Variants in ADGRB3 observed in about 807,000 individuals in gnomAD.
ADGRB3 encodes brain-specific angiogenesis inhibitor 3.
In ADGRB3, 37 loss-of-function variants were observed where a neutral mutation model predicts 193.4. That is an observed-to-expected ratio of 0.19 (90% CI 0.15 to 0.25). The LOEUF (loss-of-function observed/expected upper bound fraction) is 0.25, where lower values mean the gene tolerates loss of function less well. Among genes scored for constraint, ADGRB3 ranks in the 10% least tolerant of loss-of-function variants. The probability of loss-of-function intolerance (pLI) is 1.00; values close to 1 mark genes in which losing one functional copy is unlikely to be tolerated. For missense variants in ADGRB3, 1,637 were observed against 1,852.9 expected (o/e 0.88, Z 2.14); for synonymous variants, 690 against 644.2 (o/e 1.07, Z -1.08).
intron 3 of ADGRB3, among the ~76,000 whole-genome samples, chr6:68,788,847 G>T (rs1221960522): frequency 6.6e-6 from 1 of 152,156 alleles, no homozygotes; most frequent in Non-Finnish European, 1.5e-5. Flanking sequence ...CCTGTATTGG[G>T]TGCATATACA....
At chr6:69,347,346 T>C (rs1769120685) in intron 26 of ADGRB3, among the ~76,000 whole-genome samples, 1 of 152,190 alleles carries the variant, frequency 6.6e-6, no homozygotes, top group Admixed American at 6.5e-5. Context: ...TCCCAAAACT[T>C]AAATTATAAT....
intron 13 of ADGRB3, among the ~76,000 whole-genome samples, chr6:69,025,501 G>A (rs904433773): frequency 1.3e-5 from 2 of 150,202 alleles, no homozygotes; most frequent in East Asian, 2.0e-4. Flanking sequence ...TTGACATCAC[G>A]CCTGAAAAAT....
intron 20 of ADGRB3, among the ~76,000 whole-genome samples, chr6:69,254,722 T>C: frequency 6.6e-6 from 1 of 151,928 alleles, no homozygotes; most frequent in Non-Finnish European, 1.5e-5. Flanking sequence ...TTTTTATTAT[T>C]ATAATTTAAG....
intron 17 of ADGRB3, among the ~76,000 whole-genome samples, chr6:69,130,829 G>T (rs1386722528): frequency 6.6e-6 from 1 of 151,774 alleles, no homozygotes; most frequent in Non-Finnish European, 1.5e-5. Context: ...TGCCCTCCTG[G>T]CATATGTAAA....
At chr6:68,855,132 C>G (rs113854273) in intron 3 of ADGRB3, among the ~76,000 whole-genome samples, 1 of 152,158 alleles carries the variant, frequency 6.6e-6, no homozygotes, top group African/African-American at 2.4e-5. Flanking sequence ...TACATTGTCC[C>G]TTTATGAAAA....
intron 3 of ADGRB3, among the ~76,000 whole-genome samples, chr6:68,655,902 A>T (rs545156588): frequency 6.6e-6 from 1 of 151,592 alleles, no homozygotes; most frequent in East Asian, 1.9e-4. Context: ...GTTCCTTTGG[A>T]CTAGTCCTTT....
At chr6:69,125,666 A>G (rs1582480305) in intron 17 of ADGRB3, among the ~76,000 whole-genome samples, 1 of 152,198 alleles carries the variant, frequency 6.6e-6, no homozygotes, top group Admixed American at 6.5e-5. Context: ...CTCACACTAT[A>G]GTATTTTATT....
At chr6:68,927,757 G>GA (rs985372880) in intron 3 of ADGRB3, among the ~76,000 whole-genome samples, 2 of 151,726 alleles carry the variant, frequency 1.3e-5, no homozygotes, top group Non-Finnish European at 2.9e-5. Context: ...TTTCCCATCT[G>GA]AAAAAAAAGA....
chr6:69,277,638 A>G (rs916618952), intron 20 of ADGRB3, among the ~76,000 whole-genome samples: 2 of 152,142 alleles, frequency 1.3e-5, no homozygotes, highest in African/African-American at 2.4e-5. Context: ...ATCTGCTGCT[A>G]TGGATTTCTA....
At chr6:68,955,707 G>A (rs964495685) in intron 6 of ADGRB3, among the ~76,000 whole-genome samples, 2 of 152,002 alleles carry the variant, frequency 1.3e-5, no homozygotes, top group African/African-American at 4.8e-5. Context: ...CAAGAGAACT[G>A]CTTGAACCTG....
chr6:69,277,294 A>T (rs1348188988), intron 20 of ADGRB3, among the ~76,000 whole-genome samples: 3 of 151,946 alleles, frequency 2.0e-5, no homozygotes, highest in Non-Finnish European at 4.4e-5. Flanking sequence ...CGCCTGGCCC[A>T]CTCTAGTCTT....
intron 17 of ADGRB3, among the ~76,000 whole-genome samples, chr6:69,203,127 A>G (rs374966914): frequency 3.3e-5 from 5 of 152,248 alleles, no homozygotes; most frequent in African/African-American, 1.2e-4. Context: ...CAGATATTTG[A>G]TTTGAAAAAA....
At chr6:68,800,141 T>C (rs1767284325) in intron 3 of ADGRB3, among the ~76,000 whole-genome samples, 1 of 152,096 alleles carries the variant, frequency 6.6e-6, no homozygotes, top group South Asian at 2.1e-4. Flanking sequence ...AGGAAGATAG[T>C]GAGGAATTGA....
chr6:68,922,471 C>T (rs1023192570), intron 3 of ADGRB3, among the ~76,000 whole-genome samples: 5 of 152,256 alleles, frequency 3.3e-5, no homozygotes, highest in African/African-American at 1.2e-4. Flanking sequence ...CTTGAGGAAA[C>T]GAAACAACTC....
intron 3 of ADGRB3, among the ~76,000 whole-genome samples, chr6:68,855,344 A>G (rs1401048671): frequency 6.6e-6 from 1 of 152,190 alleles, no homozygotes; most frequent in Non-Finnish European, 1.5e-5. Flanking sequence ...TCCTTATGAC[A>G]GTCTACCAAG....
chr6:68,922,106 T>A (rs1329900223), intron 3 of ADGRB3, among the ~76,000 whole-genome samples: 3 of 152,228 alleles, frequency 2.0e-5, no homozygotes, highest in African/African-American at 7.2e-5. Context: ...TCATTCAATA[T>A]TTCATAAGCC....
intron 16 of ADGRB3, among the ~76,000 whole-genome samples, chr6:69,064,463 A>G (rs533047531): frequency 6.6e-6 from 1 of 152,104 alleles, no homozygotes; most frequent in South Asian, 2.1e-4. Context: ...TAGTTCTACA[A>G]TATCTACCTC....
intron 28 of ADGRB3, among the ~76,000 whole-genome samples, chr6:69,357,575 C>T (rs532066440): frequency 6.6e-6 from 1 of 152,048 alleles, no homozygotes; most frequent in South Asian, 2.1e-4. Flanking sequence ...CAGACCTCCT[C>T]TACATGGAGC....
chr6:69,062,548 A>T (rs541159376), intron 15 of ADGRB3, among the ~76,000 whole-genome samples: 1 of 152,058 alleles, frequency 6.6e-6, no homozygotes, highest in East Asian at 1.9e-4. Context: ...TTGCAATAAG[A>T]GTATTTGATC....
Sources: gnomAD v4.1 joint callset for allele counts (sites outside exome capture counted in the v4.1 genomes callset) on GRCh38, gnomAD v4.1.1 for gene constraint, MANE v1.5 for transcripts, NCBI Gene and HGNC (gene_info 2026-07-23, HGNC 2026-07-21) for gene names.